Variants in SLCO3A1 observed in about 807,000 individuals in gnomAD.
The protein encoded by SLCO3A1 is solute carrier organic anion transporter family member 3A1.
A neutral mutation model predicts 63.1 loss-of-function variants in SLCO3A1; 27 were observed. The ratio of observed to expected loss-of-function variants is 0.43; its 90% CI spans 0.32 to 0.59. The LOEUF (loss-of-function observed/expected upper bound fraction) is 0.59, where lower values mean the gene tolerates loss of function less well. SLCO3A1 is among the 20% of genes least tolerant of loss of function. The probability of loss-of-function intolerance (pLI) is 0.09; values close to 1 mark genes in which losing one functional copy is unlikely to be tolerated. For synonymous variants in SLCO3A1, 473 were observed against 409.9 expected, an observed-to-expected ratio of 1.15 and a Z score of -1.86; for missense variants, 773 against 945.8, an observed-to-expected ratio of 0.82 and a Z score of 2.40.
intron 2 of SLCO3A1, among the ~76,000 whole-genome samples, chr15:92,031,169 G>A (rs886800897): frequency 6.6e-6 from 1 of 151,864 alleles, no homozygotes; most frequent in African/African-American, 2.4e-5. Flanking sequence ...GAAAGCCAGG[G>A]GTAAGGAAGA....
At chr15:92,130,745 A>G (rs1464404793) in intron 7 of SLCO3A1, among the ~76,000 whole-genome samples, 1 of 152,126 alleles carries the variant, frequency 6.6e-6, no homozygotes, top group Non-Finnish European at 1.5e-5. Flanking sequence ...ACATCCAAAA[A>G]TGAGTGAAAA....
rs192410197 is a variant in SLCO3A1 at position 92,103,003 on chromosome 15, G to A, written c.746-1276G>A. ...GTAGAGTTATGGGGAAGGTTGGCTGGAACAGTTAAGAATGTGCTCTGCATA... is the reference window on the plus strand; with the variant it reads ...GTAGAGTTATGGGGAAGGTTGGCTGAAACAGTTAAGAATGTGCTCTGCATA... On this transcript the variant is annotated intron_variant, in intron 3 of 9. Transcript: ENST00000318445. 2.5e-3 allele frequency among the ~76,000 whole-genome samples: 388 copies of A among 152,318 alleles called. 2 individuals are homozygous for A. The highest frequency in any genetic ancestry group is 8.5e-3 in the African/African-American group (353 of 41,554).
rs1462743476 is a variant in SLCO3A1, at chr15:92,163,047, C to G, written c.2045C>G (p.Pro682Arg). 1 of 1,585,870 alleles carries G rather than the reference C, an allele frequency of 6.3e-7. No homozygotes were observed. The highest frequency in any genetic ancestry group is 1.2e-5 in the South Asian group (1 of 86,032). Reference protein sequence around the residue: ...TLTLDNLGRDPVPANQTHRTK... With the variant: ...TLTLDNLGRDRVPANQTHRTK... Reference sequence around the variant, plus strand: ...ACCCTAGACAACCTGGGGAGGGACCCTGTGCCCGCAAACCAGACACATAGG... The same window carrying G: ...ACCCTAGACAACCTGGGGAGGGACCGTGTGCCCGCAAACCAGACACATAGG... The change falls in exon 10 of 10, where the codon CCT becomes CGT. Residue 682 changes from proline (P) to arginine (R), a missense_variant. Physicochemically the swap from Pro to Arg is moderately radical, Grantham distance 103. Around this residue, in one of 3 missense-constraint regions of SLCO3A1, gnomAD observed 139 missense variants for 131.4 expected, o/e 1.06. Transcript: ENST00000318445.
intron 1 of SLCO3A1, among the ~76,000 whole-genome samples, chr15:91,879,833 C>G (rs891702029): frequency 3.9e-5 from 6 of 152,152 alleles, no homozygotes; most frequent in Non-Finnish European, 7.4e-5. Context: ...TTCTGACATG[C>G]AACCAAGCTC....
intron 1 of SLCO3A1, among the ~76,000 whole-genome samples, chr15:91,881,250 T>G (rs1304024199): frequency 6.6e-6 from 1 of 151,938 alleles, no homozygotes; most frequent in Non-Finnish European, 1.5e-5. Context: ...TTTTCCTTGG[T>G]CTTACTGATT....
At chr15:92,043,613 G>C (rs898043560) in intron 2 of SLCO3A1, among the ~76,000 whole-genome samples, 4 of 152,220 alleles carry the variant, frequency 2.6e-5, no homozygotes, top group African/African-American at 9.6e-5. Context: ...TCCATGCATA[G>C]ACAAGTTTTA....
At position 92,129,410 on chromosome 15, in the gene SLCO3A1, C is replaced by T. The variant is rs576154671; in HGVS notation, c.1512+921C>T. 2.1e-4 allele frequency among the ~76,000 whole-genome samples: 32 copies of T among 152,308 alleles called. 1 individual carries two copies. The South Asian group carries it at 4.8e-3, about 23-fold the overall frequency. On this transcript the variant is annotated intron_variant, in intron 7 of 9. Transcript: ENST00000318445. Reference sequence around the variant, plus strand: ...TACACCTCCCTCCAGCTGGACAGGTCCTACTCACCGGTCAGTAGCCTCCTC... The same window carrying T: ...TACACCTCCCTCCAGCTGGACAGGTTCTACTCACCGGTCAGTAGCCTCCTC...
chr15:91,948,027 C>T lies in SLCO3A1; in HGVS notation c.646+31569C>T, dbSNP rs1294631229. Reference sequence around the variant, plus strand: ...TCCCAACTAGGTGTTCCAGCAGGGCCGTGGGAGCAGAAGCAGAATTCAGAT... The same window carrying T: ...TCCCAACTAGGTGTTCCAGCAGGGCTGTGGGAGCAGAAGCAGAATTCAGAT... On this transcript the variant is annotated intron_variant, in intron 2 of 9. Coordinates refer to ENST00000318445, the MANE Select transcript of SLCO3A1 (RefSeq NM_013272.4). The surrounding 1 kb of genome is among the most constrained non-coding windows in gnomAD (Gnocchi z 4.8). 6.6e-6 allele frequency among the ~76,000 whole-genome samples: 1 copy of T among 152,074 alleles called. No homozygotes were observed. Among genetic ancestry groups the T allele is most frequent in the Non-Finnish European group, 1.5e-5 (1 of 68,026 alleles).
chr15:91,944,445 G>A (rs1899731485), intron 2 of SLCO3A1, among the ~76,000 whole-genome samples: 1 of 152,108 alleles, frequency 6.6e-6, no homozygotes, highest in African/African-American at 2.4e-5. Flanking sequence ...CCTCTTCTCA[G>A]TACCAGCTTC....
At chr15:92,072,209 T>G (rs865846203) in intron 2 of SLCO3A1, among the ~76,000 whole-genome samples, 1 of 151,914 alleles carries the variant, frequency 6.6e-6, no homozygotes, top group Non-Finnish European at 1.5e-5. Context: ...TTGGTTTTTT[T>G]TTTTTTTCCT....
Position 92,164,219 on chromosome 15 carries a change from G to C in SLCO3A1, c.*1084G>C. 1 of 984,774 alleles carries C rather than the reference G, an allele frequency of 1.0e-6. No individual in the cohort carries two copies. Among genetic ancestry groups the C allele is most frequent in the Non-Finnish European group, 1.2e-6 (1 of 829,644 alleles). 61.0% of individuals were successfully genotyped at this position (984,774 alleles called of 1,614,324 possible). On this transcript the variant is annotated 3_prime_UTR_variant, in exon 10 of 10. Transcript: ENST00000318445. ...CTTTTTTAATGCACCAAAAATATGT[G>C]ATACAAGGGATGCAATTAACCTATT...
chr15:91,926,596 T>TGTGTGTGTGTGTGTGTGTGTGTGTGC, intron 2 of SLCO3A1, among the ~76,000 whole-genome samples: 113 of 105,296 alleles, frequency 1.1e-3, no homozygotes, highest in African/African-American at 3.0e-3. Context: ...TGTGTGTGTG[T>TGTGTGTGTGTGTGTGTGTGTGTGTGC]GCGCGCGCGC....
At chr15:92,012,314 G>A (rs1388229311) in intron 2 of SLCO3A1, among the ~76,000 whole-genome samples, 1 of 152,186 alleles carries the variant, frequency 6.6e-6, no homozygotes, top group Non-Finnish European at 1.5e-5. Context: ...AGCAGGAAAG[G>A]GCTCAGCTTT....
intron 2 of SLCO3A1, among the ~76,000 whole-genome samples, chr15:92,013,659 ATTCT>A (rs1300634731): frequency 2.6e-5 from 4 of 152,234 alleles, no homozygotes; most frequent in Non-Finnish European, 5.9e-5. Context: ...ACAATCAAAC[ATTCT>A]TTCTTGTTTT....
intron 2 of SLCO3A1, among the ~76,000 whole-genome samples, chr15:92,080,390 G>GT (rs201735080): frequency 0.033 from 4,702 of 143,172 alleles, 74 homozygotes; most frequent in Admixed American, 0.057. Context: ...AATACATGGA[G>GT]TTTTTTTTTT....
intron 1 of SLCO3A1, among the ~76,000 whole-genome samples, chr15:91,881,416 C>T (rs1422126954): frequency 6.6e-6 from 1 of 152,006 alleles, no homozygotes; most frequent in East Asian, 1.9e-4. Flanking sequence ...AGGAAGTGGC[C>T]TGAGCTGAAA....
Position 92,150,942 on chromosome 15 carries a change from G to C in SLCO3A1, c.1689-8G>C, listed in dbSNP as rs2048297369. ...GTTTTTTTTTTCTCTTCATCTCTTT[G>C]CACGTAGGACAGTCAGCCCTGAACT... is the stretch of plus-strand genomic sequence containing the variant. On this transcript the variant is annotated splice_region_variant and splice_polypyrimidine_tract_variant and intron_variant, in intron 8 of 9. Transcript: ENST00000318445. 6.3e-7 allele frequency: 1 copy of C among 1,597,002 alleles called. No individual in the cohort carries two copies. Among genetic ancestry groups the C allele is most frequent in the Non-Finnish European group, 8.5e-7 (1 of 1,173,192 alleles).
intron 2 of SLCO3A1, among the ~76,000 whole-genome samples, chr15:92,017,267 A>C (rs1597224783): frequency 6.7e-6 from 1 of 148,238 alleles, no homozygotes; most frequent in Non-Finnish European, 1.5e-5. Context: ...GTTTCCATTG[A>C]GTTGGAGGAG....
chr15:91,910,381 C>T (rs1269292423), intron 1 of SLCO3A1, among the ~76,000 whole-genome samples: 1 of 152,222 alleles, frequency 6.6e-6, no homozygotes, highest in Non-Finnish European at 1.5e-5. Flanking sequence ...ACTGTAAACT[C>T]CTACAAGGCA....
Sources: gnomAD v4.1 joint callset for allele counts (sites outside exome capture counted in the v4.1 genomes callset) on GRCh38, gnomAD v4.1.1 for gene constraint, gnomAD v4.1.1 regional missense constraint, Gnocchi (gnomAD v3.1) non-coding constraint, MANE v1.5 for transcripts, NCBI Gene and HGNC (gene_info 2026-07-23, HGNC 2026-07-21) for gene names.